Variants in MTOR observed in about 807,000 individuals in gnomAD.
MTOR encodes mechanistic target of rapamycin kinase.
MTOR carries 70 observed loss-of-function variants against 319.8 expected under a neutral mutation model. The ratio of observed to expected loss-of-function variants is 0.22; its 90% confidence interval spans 0.18 to 0.27. The LOEUF is 0.27. MTOR is among the 10% of genes least tolerant of loss of function. The probability of loss-of-function intolerance (pLI) is 1.00; values close to 1 mark genes in which losing one functional copy is unlikely to be tolerated. For synonymous variants in MTOR, 1,183 were observed against 1,211.4 expected (o/e 0.98, Z 0.49); for missense variants, 1,890 against 3,274.4 (o/e 0.58, Z 10.32).
At chr1:11,114,526 T>C (rs2100318904) in intron 52 of MTOR, 73 bp from the exon 53 acceptor site, 2 of 1,592,008 alleles carry the variant, frequency 1.3e-6, no homozygotes, top group Non-Finnish European at 1.7e-6. Flanking sequence ...GGGGGTCTGT[T>C]ACCCTCACTT....
At position 11,238,580 on chromosome 1, in the gene MTOR, A is replaced by G; in HGVS notation, c.1824T>C (p.Asp608=). ...CCTTGTGCTCACTGTTCAGGAAATG[A>G]TCCGCACAGTGGCGAACAAATTGGG... ...SLTQFVRHCA[D]HFLNSEHKEI... Residue 608 remains aspartate (D), a synonymous_variant, in exon 12 of 58, where the codon GAT becomes GAC. Coordinates refer to ENST00000361445, the MANE Select transcript of MTOR (RefSeq NM_004958.4). 1 of 1,614,132 alleles carries G rather than the reference A, an allele frequency of 6.2e-7. No individual in the cohort carries two copies. The highest frequency in any genetic ancestry group is 8.5e-7 in the Non-Finnish European group (1 of 1,179,978).
At chr1:11,232,840 A>T in intron 15 of MTOR, 1 of 515,398 alleles carries the variant, frequency 1.9e-6, no homozygotes, top group Admixed American at 3.2e-5. Context: ...ACACCACTGC[A>T]CTCCAGCCTG....
chr1:11,243,497 C>A (rs746647755), intron 8 of MTOR, among the ~76,000 whole-genome samples, 197 bp from the exon 9 acceptor site: 4 of 151,866 alleles, frequency 2.6e-5, no homozygotes, highest in Non-Finnish European at 4.4e-5. Context: ...TTCGAAACAG[C>A]CTGGGCAACA....
intron 38 of MTOR, chr1:11,132,847 A>G: frequency 2.0e-6 from 1 of 490,634 alleles, no homozygotes; most frequent in Non-Finnish European, 3.6e-6. Context: ...CCAACACCAC[A>G]TACACATAAT....
chr1:11,143,265 C>A (rs962765135), intron 34 of MTOR, among the ~76,000 whole-genome samples: 3 of 152,214 alleles, frequency 2.0e-5, no homozygotes, highest in Non-Finnish European at 4.4e-5. Context: ...GTGGCAGTGT[C>A]CTGGACCCAG....
intron 28 of MTOR, among the ~76,000 whole-genome samples, chr1:11,191,339 A>T (rs960145905): frequency 1.3e-5 from 2 of 152,342 alleles, no homozygotes; most frequent in East Asian, 3.9e-4. Context: ...GAAATGAAGA[A>T]TAGTGATGGC....
rs567598948 is a variant in MTOR at position 11,208,896 on chromosome 1, A to C, written c.3801+416T>G. On this transcript the variant is annotated intron_variant, in intron 25 of 57. Coordinates refer to ENST00000361445, the MANE Select transcript of MTOR (RefSeq NM_004958.4). ...ATATCAGGCCCCAAATCAGACTGCC[A>C]ACAACAGAATAAGCATTTTTACAAG... Among the ~76,000 whole-genome samples the C allele has an allele frequency of 2.6e-5, 4 of 152,354 alleles. No individual in the cohort carries two copies. In the South Asian group the frequency reaches 8.3e-4, roughly 32 times the overall value.
In MTOR at chr1:11,238,468, G is replaced by C; in HGVS notation, c.1936C>G (p.Gln646Glu). ...LISGHAHVVSQTAVQVVADVL... is the reference protein window; with the variant it reads ...LISGHAHVVSETAVQVVADVL... ...TCTGCCACCACTTGCACTGCGGTCT[G>C]GCTAACCACATGAGCATGGCCACTG... The change falls in exon 12 of 58, where the codon CAG becomes GAG. Residue 646 changes from glutamine to glutamate, a missense_variant. Physicochemically the swap from Gln to Glu is conservative, Grantham distance 29. Coordinates refer to ENST00000361445, the MANE Select transcript of MTOR (RefSeq NM_004958.4). 6.2e-7 allele frequency: 1 copy of C among 1,614,200 alleles called. No individual in the cohort carries two copies. Among genetic ancestry groups the C allele is most frequent in the Non-Finnish European group, 8.5e-7 (1 of 1,180,030 alleles).
intron 54 of MTOR, among the ~76,000 whole-genome samples, chr1:11,111,959 AAAACAAAC>A (rs3841793): frequency 1.3e-4 from 19 of 150,568 alleles, no homozygotes; most frequent in African/African-American, 4.4e-4. Context: ...ATTTTACTCA[AAAACAAAC>A]AAACAAACAA....
chr1:11,241,951 T>C (rs1206082977), intron 9 of MTOR, among the ~76,000 whole-genome samples: 3 of 152,222 alleles, frequency 2.0e-5, no homozygotes, highest in African/African-American at 4.8e-5. Context: ...ATATGGGTTA[T>C]TGTGGTGCTC....
chr1:11,108,075 C>T, intron 57 of MTOR, 106 bp downstream of exon 57: 4 of 821,614 alleles, frequency 4.9e-6, no homozygotes, highest in Non-Finnish European at 8.1e-6. Context: ...TCTAACTGCC[C>T]TTTACAGATA....
rs759436987 is a variant in MTOR, at chr1:11,128,474, T to C, written c.5890A>G (p.Ile1964Val). ...CATACCTGGGGGTGGTACCGACCAATGTCTGTGAGAAGCTGGTGAATGAGA... is the reference window on the plus strand; with the variant it reads ...CATACCTGGGGGTGGTACCGACCAACGTCTGTGAGAAGCTGGTGAATGAGA... Reference protein sequence around the residue: ...GRLIHQLLTDIGRYHPQALIY... With the variant: ...GRLIHQLLTDVGRYHPQALIY... The change falls in exon 42 of 58, where the codon ATT (isoleucine) becomes GTT (valine). Residue 1964 changes from isoleucine (I) to valine (V), a missense_variant. This residue lies in a region of MTOR where 249 missense variants were observed against 596.2 expected (regional missense o/e 0.42). Transcript: ENST00000361445. The surrounding 1 kb of genome is among the most constrained non-coding windows in gnomAD (Gnocchi z 5.3). 59 of 1,614,054 alleles carry C rather than the reference T, an allele frequency of 3.7e-5. No individual in the cohort carries two copies. Among genetic ancestry groups the C allele is most frequent in the Non-Finnish European group, 4.7e-5 (55 of 1,180,042 alleles).
chr1:11,183,630 G>C (rs1439346002), intron 28 of MTOR, among the ~76,000 whole-genome samples: 1 of 151,992 alleles, frequency 6.6e-6, no homozygotes, highest in East Asian at 1.9e-4. Flanking sequence ...CTTTATGATT[G>C]GTGTTTTTTC....
rs138246302 is a variant in MTOR, at chr1:11,122,132, G to A, written c.6663-6C>T. 1.4e-3 allele frequency: 2,247 copies of A among 1,614,140 alleles called. 31 individuals carry two copies. In the African/African-American group the frequency reaches 0.026, roughly 18 times the overall value. ...TGACAGCGTATCTCTGGATGCTGGCGCCCACAGAAAAGCAGGGTTAGTGTA... is the reference window on the plus strand; with the variant it reads ...TGACAGCGTATCTCTGGATGCTGGCACCCACAGAAAAGCAGGGTTAGTGTA... On this transcript the variant is annotated splice_region_variant and splice_polypyrimidine_tract_variant and intron_variant, in intron 47 of 57. Transcript: ENST00000361445.
intron 26 of MTOR, among the ~76,000 whole-genome samples, chr1:11,203,915 T>C (rs1004432608): frequency 2.0e-5 from 3 of 152,200 alleles, no homozygotes; most frequent in Non-Finnish European, 4.4e-5. Flanking sequence ...GCTCTTCTAC[T>C]ACCTCGTTCT....
rs112901434 is a variant in MTOR, at chr1:11,199,781, G to A, written c.3945-78C>T. 18 of 1,498,426 alleles carry A rather than the reference G, an allele frequency of 1.2e-5. No homozygotes were observed. The South Asian group carries it at 1.4e-4, about 12-fold the overall frequency. 92.8% of individuals were successfully genotyped at this position (1,498,426 alleles called of 1,614,324 possible). A position where few individuals can be genotyped will look rare whatever the true frequency, so the allele number is the denominator to read the frequency against. ...GCCTCAAAGTCACACCTATCAATTCGCTTTTGGCATCACTGATTTTGGTTA... is the reference window on the plus strand; with the variant it reads ...GCCTCAAAGTCACACCTATCAATTCACTTTTGGCATCACTGATTTTGGTTA... On this transcript the variant is annotated intron_variant, in intron 26 of 57. Transcript: ENST00000361445. The surrounding 1 kb of genome is among the most constrained non-coding windows in gnomAD (Gnocchi z 4.5).
chr1:11,123,246 T>C (rs1455034728), intron 47 of MTOR, among the ~76,000 whole-genome samples: 1 of 152,150 alleles, frequency 6.6e-6, no homozygotes, highest in Admixed American at 6.5e-5. Context: ...TTTTCATTTT[T>C]AAAACATTTA....
intron 28 of MTOR, among the ~76,000 whole-genome samples, chr1:11,171,412 G>A (rs371216314): frequency 1.3e-5 from 2 of 151,862 alleles, no homozygotes; most frequent in East Asian, 3.9e-4. Context: ...CTCCCAAACT[G>A]CTGGGATGAC....
At chr1:11,228,532 T>G in intron 19 of MTOR, 136 bp downstream of exon 19, 1 of 1,168,368 alleles carries the variant, frequency 8.6e-7, no homozygotes, top group Non-Finnish European at 1.2e-6. Context: ...ACACTTTATA[T>G]GTTGGGAGTT....
Sources: gnomAD v4.1 joint callset for allele counts (sites outside exome capture counted in the v4.1 genomes callset) on GRCh38, gnomAD v4.1.1 for gene constraint, gnomAD v4.1.1 regional missense constraint, Gnocchi (gnomAD v3.1) non-coding constraint, MANE v1.5 for transcripts, NCBI Gene and HGNC (gene_info 2026-07-23, HGNC 2026-07-21) for gene names.